The following SP140L variants were observed in gnomAD, a reference collection of about 807,000 sequenced individuals.
The protein encoded by SP140L is SP140 like nuclear body protein.
A neutral mutation model predicts 84.3 loss-of-function variants in SP140L; 64 were observed. The ratio of observed to expected loss-of-function variants is 0.76; its 90% CI spans 0.62 to 0.94. The LOEUF is 0.94. Among genes scored for constraint, SP140L ranks in the 40% least tolerant of loss-of-function variants. The pLI, the probability that SP140L is intolerant of heterozygous loss-of-function variation, is 0.00. For synonymous variants in SP140L, 242 were observed against 236.9 expected (o/e 1.02, Z -0.20); for missense variants, 628 against 692.5 (o/e 0.91, Z 1.05).
intron 2 of SP140L, among the ~76,000 whole-genome samples, chr2:230,329,980 T>A (rs189375514): frequency 6.6e-6 from 1 of 152,236 alleles, no homozygotes; most frequent in East Asian, 1.9e-4. Context: ...TTTAGGTTTT[T>A]GTGCAATGTT....
At chr2:230,382,201 T>C (rs993538527) in intron 7 of SP140L, among the ~76,000 whole-genome samples, 10 of 105,552 alleles carry the variant, frequency 9.5e-5, no homozygotes, top group Admixed American at 1.6e-4. Context: ...AGAACAGGGG[T>C]AGGGACAATG....
intron 2 of SP140L, among the ~76,000 whole-genome samples, chr2:230,349,868 G>A (rs2060314020): frequency 6.6e-6 from 1 of 152,122 alleles, no homozygotes; most frequent in African/African-American, 2.4e-5. Flanking sequence ...AATTAGCCAG[G>A]AGTGGTAGCA....
intron 2 of SP140L, among the ~76,000 whole-genome samples, chr2:230,334,772 A>T (rs902673252): frequency 6.6e-6 from 1 of 152,080 alleles, no homozygotes; most frequent in Non-Finnish European, 1.5e-5. Context: ...TCCTTGAAGG[A>T]TTGCTAAAAA....
intron 14 of SP140L, among the ~76,000 whole-genome samples, chr2:230,397,555 A>G (rs901914302): frequency 6.6e-6 from 1 of 152,150 alleles, no homozygotes; most frequent in Non-Finnish European, 1.5e-5. Context: ...TGCTGAAATC[A>G]TGGATGAGTT....
intron 2 of SP140L, among the ~76,000 whole-genome samples, chr2:230,354,518 A>C (rs1474014186): frequency 6.6e-6 from 1 of 152,158 alleles, no homozygotes; most frequent in Non-Finnish European, 1.5e-5. Context: ...CTGTGATCCC[A>C]ATTCTTTGGG....
In SP140L at chr2:230,389,986, G is replaced by A; in HGVS notation, c.927G>A (p.Gly309=). ...CTTTACTTCCAGTGACCTGTGGTGG[G>A]GTGAAGGGAATTTTACATAAGGAGA... The part of the protein sequence containing the change: ...QAPLLPVTCG[G]VKGILHKEKL... Residue 309 remains glycine, a synonymous_variant, in exon 11 of 19, where the codon GGG becomes GGA. Transcript: ENST00000415673. 1.2e-6 allele frequency: 2 copies of A among 1,613,754 alleles called. No homozygotes were observed. Among genetic ancestry groups the A allele is most frequent in the East Asian group, 2.2e-5 (1 of 44,866 alleles).
At chr2:230,329,373 C>T (rs1345979836) in intron 2 of SP140L, among the ~76,000 whole-genome samples, 1 of 152,184 alleles carries the variant, frequency 6.6e-6, no homozygotes, top group Non-Finnish European at 1.5e-5. Flanking sequence ...TTCATCTTTT[C>T]AGTTTTTTAC....
intron 14 of SP140L, 53 bp from the exon 15 acceptor site, chr2:230,400,074 G>A (rs773761853): frequency 6.3e-7 from 1 of 1,595,208 alleles, no homozygotes; most frequent in Middle Eastern, 2.0e-4. Context: ...CAGAGGGGTG[G>A]CCTTCCTGAA....
chr2:230,330,351 C>T (rs990861656), intron 2 of SP140L, among the ~76,000 whole-genome samples: 7 of 152,210 alleles, frequency 4.6e-5, no homozygotes. Flanking sequence ...CTCTTCTCTG[C>T]CCCTGGCCTG....
intron 7 of SP140L, among the ~76,000 whole-genome samples, chr2:230,376,271 GA>G (rs1292714476): frequency 4.0e-5 from 6 of 151,598 alleles, no homozygotes; most frequent in South Asian, 2.1e-4. Context: ...AATTAGGCAA[GA>G]AAAAAAAGTC....
intron 2 of SP140L, among the ~76,000 whole-genome samples, chr2:230,329,475 T>A (rs879539228): frequency 1.3e-5 from 2 of 152,200 alleles, no homozygotes; most frequent in Admixed American, 1.3e-4. Context: ...AATCTCATCT[T>A]GAATTGTAAT....
chr2:230,366,506 A>T (rs538754553), intron 5 of SP140L, among the ~76,000 whole-genome samples: 2 of 151,778 alleles, frequency 1.3e-5, no homozygotes, highest in South Asian at 2.1e-4. Context: ...GTCTATATGT[A>T]TCCTTAAAAG....
chr2:230,397,583 T>A (rs2062107675), intron 14 of SP140L, among the ~76,000 whole-genome samples: 1 of 152,214 alleles, frequency 6.6e-6, no homozygotes, highest in Non-Finnish European at 1.5e-5. Context: ...TAAATGAAAT[T>A]CTGGTTTGCT....
At chr2:230,339,308 T>C (rs1355870766) in intron 2 of SP140L, among the ~76,000 whole-genome samples, 1 of 151,682 alleles carries the variant, frequency 6.6e-6, no homozygotes, top group African/African-American at 2.4e-5. Flanking sequence ...TATTCTCTGA[T>C]GGTAGTTTGT....
rs2061736075 is a variant in SP140L, at chr2:230,390,024, G to C, written c.964+1G>C. 3 of 1,612,504 alleles carry C rather than the reference G, an allele frequency of 1.9e-6. No individual in the cohort carries two copies. Among genetic ancestry groups the C allele is most frequent in the Admixed American group, 3.3e-5 (2 of 59,850 alleles). On this transcript the variant is annotated splice_donor_variant, in intron 11 of 18. Coordinates refer to ENST00000415673, the MANE Select transcript of SP140L (RefSeq NM_138402.6). LOFTEE classifies it high-confidence loss of function. ...TTACATAAGGAGAAATTGGAACAAG[G>C]TGGGTTTCATAGTCTTCTTTAATTT...
At chr2:230,389,707 C>G (rs556816707) in intron 10 of SP140L, among the ~76,000 whole-genome samples, 1 of 152,276 alleles carries the variant, frequency 6.6e-6, no homozygotes, top group African/African-American at 2.4e-5. Flanking sequence ...ATAAAGCATT[C>G]AATTTTCTGT....
chr2:230,354,046 T>G (rs1232361323), intron 2 of SP140L, among the ~76,000 whole-genome samples: 1 of 152,176 alleles, frequency 6.6e-6, no homozygotes, highest in Non-Finnish European at 1.5e-5. Flanking sequence ...ATTTTAAGTT[T>G]GTTGATATAA....
chr2:230,385,453 G>A, intron 9 of SP140L, 149 bp downstream of exon 9: 1 of 658,664 alleles, frequency 1.5e-6, no homozygotes, highest in Non-Finnish European at 2.6e-6. Context: ...CCCATTAGAA[G>A]CCAGAGTTGT....
chr2:230,330,297 T>G (rs180979726), intron 2 of SP140L, among the ~76,000 whole-genome samples: 1 of 152,204 alleles, frequency 6.6e-6, no homozygotes, highest in Non-Finnish European at 1.5e-5. Context: ...CCCCACTTAT[T>G]GTGAACCAGG....
Sources: gnomAD v4.1 joint callset for allele counts (sites outside exome capture counted in the v4.1 genomes callset) on GRCh38, gnomAD v4.1.1 for gene constraint, MANE v1.5 for transcripts, NCBI Gene and HGNC (gene_info 2026-07-23, HGNC 2026-07-21) for gene names.